Variants in POF1B observed in about 807,000 individuals in gnomAD.
The protein encoded by POF1B is protein POF1B.
Under a neutral mutation model 55.3 loss-of-function variants are expected in POF1B, and 53 were observed. The ratio of observed to expected loss-of-function variants is 0.96; its 90% CI spans 0.77 to 1.20. The LOEUF is 1.20. POF1B is among the 50% of genes most tolerant of loss of function. POF1B has a pLI of 0.00. For synonymous variants in POF1B, 188 were observed against 148.3 expected, an observed-to-expected ratio of 1.27 and a Z score of -1.95; for missense variants, 478 against 420.5, an observed-to-expected ratio of 1.14 and a Z score of -1.20.
intron 4 of POF1B, among the ~76,000 whole-genome samples, chrX:85,356,267 C>T (rs1434241702): frequency 9.9e-6 from 1 of 100,531 alleles, no homozygotes; most frequent in Non-Finnish European, 2.0e-5. Flanking sequence ...AATGAGAACG[C>T]TTGGACACAA....
intron 3 of POF1B, 52 bp downstream of exon 3, chrX:85,367,640 C>T (rs1933748312): frequency 8.6e-6 from 8 of 929,842 alleles, no homozygotes; most frequent in South Asian, 4.1e-5. Flanking sequence ...ATGAAGAAGA[C>T]TTCCATATAA....
At chrX:85,305,989 A>G in intron 12 of POF1B, 79 bp from the exon 13 acceptor site, 1 of 1,076,324 alleles carries the variant, frequency 9.3e-7, no homozygotes, top group South Asian at 2.2e-5. Flanking sequence ...TTGTTATTAG[A>G]TGAAAACCAC....
At chrX:85,330,298 G>A (rs73513673) in intron 7 of POF1B, among the ~76,000 whole-genome samples, 21,577 of 108,608 alleles carry the variant, frequency 0.2, 1,853 homozygotes, top group African/African-American at 0.34. Flanking sequence ...ATATCTATTG[G>A]TATATTTTTA....
chrX:85,342,036 A>T (rs1177181145), intron 6 of POF1B, among the ~76,000 whole-genome samples: 1 of 111,399 alleles, frequency 9.0e-6, no homozygotes, highest in Non-Finnish European at 1.9e-5. Context: ...CACCTATATG[A>T]CAACTTGTAA....
intron 5 of POF1B, among the ~76,000 whole-genome samples, chrX:85,346,985 C>G (rs1933285947): frequency 9.0e-6 from 1 of 111,171 alleles, no homozygotes; most frequent in Admixed American, 9.6e-5. Context: ...TGAATTTGCA[C>G]TGACTTCAAG....
intron 3 of POF1B, among the ~76,000 whole-genome samples, chrX:85,365,644 C>T (rs748158315): frequency 2.7e-5 from 3 of 111,767 alleles, no homozygotes; most frequent in Non-Finnish European, 3.8e-5. Flanking sequence ...TGCAGCTATG[C>T]TCCCTCTCAA....
At chrX:85,293,312 A>C (rs924795790) in intron 15 of POF1B, among the ~76,000 whole-genome samples, 5 of 112,351 alleles carry the variant, frequency 4.5e-5, no homozygotes, top group Non-Finnish European at 9.4e-5. Context: ...AATATGGTAC[A>C]TGTACACCAT....
intron 9 of POF1B, among the ~76,000 whole-genome samples, chrX:85,313,703 G>A (rs1023356628): frequency 1.8e-5 from 2 of 111,441 alleles, no homozygotes; most frequent in Admixed American, 9.6e-5. Flanking sequence ...ACGAGTTAGG[G>A]GGGAGTCTCT....
rs551945579 is a variant in POF1B, at chrX:85,337,904, T to TG, written c.724-6826dup. On this transcript the variant is annotated intron_variant, in intron 6 of 16. Coordinates refer to ENST00000262753, the MANE Select transcript of POF1B (RefSeq NM_024921.4). The stretch of plus-strand genomic sequence containing the variant: ...GCAGAAGGCATCAAATAAAATTAAA[T>TG]GGGGGGGAAGTGCTCAGTAAATTGT... Among the ~76,000 whole-genome samples, 58 of 111,505 alleles carry TG rather than the reference T, an allele frequency of 5.2e-4. 1 individual carries two copies. In the South Asian group the frequency reaches 7.8e-3, roughly 15 times the overall value.
chrX:85,298,731 G>T (rs545122689), intron 15 of POF1B, among the ~76,000 whole-genome samples: 1 of 111,810 alleles, frequency 8.9e-6, no homozygotes, highest in South Asian at 3.8e-4. Context: ...AAGAGGACCA[G>T]ATGGTGTATT....
intron 6 of POF1B, among the ~76,000 whole-genome samples, chrX:85,341,076 CAGTT>C (rs979302433): frequency 2.7e-5 from 3 of 110,361 alleles, no homozygotes; most frequent in African/African-American, 6.6e-5. Flanking sequence ...GGGATGAAAA[CAGTT>C]AGATGAGAGA....
intron 9 of POF1B, among the ~76,000 whole-genome samples, chrX:85,309,862 C>T (rs1932659195): frequency 8.9e-6 from 1 of 111,758 alleles, no homozygotes; most frequent in South Asian, 3.7e-4. Context: ...ATGGTGCTTT[C>T]ATTCCTACTG....
chrX:85,285,657 G>C (rs1329848500), intron 15 of POF1B, among the ~76,000 whole-genome samples: 2 of 80,624 alleles, frequency 2.5e-5, no homozygotes, highest in Non-Finnish European at 4.7e-5. Flanking sequence ...GTCGTGGGGT[G>C]GGGGGAGGGG....
intron 3 of POF1B, among the ~76,000 whole-genome samples, chrX:85,367,013 G>A (rs1933735217): frequency 9.0e-6 from 1 of 111,322 alleles, no homozygotes; most frequent in African/African-American, 3.3e-5. Context: ...ATCTGGGTCA[G>A]ATTGTTTTTT....
intron 7 of POF1B, among the ~76,000 whole-genome samples, chrX:85,326,256 G>A (rs1047779844): frequency 1.8e-5 from 2 of 110,669 alleles, no homozygotes; most frequent in Admixed American, 9.4e-5. Context: ...TGTTCACAGT[G>A]GCAGCGGTGG....
intron 15 of POF1B, among the ~76,000 whole-genome samples, chrX:85,302,193 A>G (rs904555348): frequency 3.6e-5 from 4 of 111,414 alleles, no homozygotes; most frequent in African/African-American, 1.3e-4. Context: ...ATATTTGCAA[A>G]TCTTGTCTCT....
At chrX:85,362,154 G>T (rs1327716247) in intron 3 of POF1B, among the ~76,000 whole-genome samples, 1 of 111,087 alleles carries the variant, frequency 9.0e-6, no homozygotes, top group Non-Finnish European at 1.9e-5. Flanking sequence ...CCAAGACTAT[G>T]GGAGTTTCTA....
intron 2 of POF1B, among the ~76,000 whole-genome samples, chrX:85,368,739 C>G (rs962363114): frequency 5.4e-5 from 6 of 111,495 alleles, no homozygotes; most frequent in Non-Finnish European, 1.1e-4. Context: ...AATGATCAAT[C>G]TGTCCATCAT....
intron 4 of POF1B, among the ~76,000 whole-genome samples, chrX:85,355,702 GA>G (rs200706133): frequency 0.018 from 2,045 of 111,926 alleles, 57 homozygotes; most frequent in African/African-American, 0.063. Flanking sequence ...AAAAACACAT[GA>G]AAAAATGCTC....
Sources: gnomAD v4.1 joint callset for allele counts (sites outside exome capture counted in the v4.1 genomes callset) on GRCh38, gnomAD v4.1.1 for gene constraint, MANE v1.5 for transcripts, NCBI Gene and HGNC (gene_info 2026-07-23, HGNC 2026-07-21) for gene names.